Variants in LIMA1 observed in about 807,000 individuals in gnomAD.
LIMA1 encodes LIM domain and actin-binding protein 1.
In LIMA1, 52 loss-of-function variants were observed where a neutral mutation model predicts 62.6. That is an observed-to-expected ratio of 0.83 (90% CI 0.67 to 1.05). The LOEUF (loss-of-function observed/expected upper bound fraction) is 1.05, where lower values mean the gene tolerates loss of function less well. Among genes scored for constraint, LIMA1 ranks in the 50% least tolerant of loss-of-function variants. LIMA1 has a pLI of 0.00. For synonymous variants in LIMA1, 302 were observed against 317.8 expected (o/e 0.95, Z 0.53); for missense variants, 780 against 902.2 (o/e 0.86, Z 1.74).
chr12:50,275,852 G>A (rs955818536), intron 1 of LIMA1, among the ~76,000 whole-genome samples: 1 of 152,234 alleles, frequency 6.6e-6, no homozygotes, highest in South Asian at 2.1e-4. Flanking sequence ...TGGGTGTCTT[G>A]AAGAGCATGT....
chr12:50,258,639 C>CT (rs34324226), intron 1 of LIMA1, among the ~76,000 whole-genome samples: 736 of 67,412 alleles, frequency 0.011, 87 homozygotes, highest in African/African-American at 0.043. Context: ...TCTACCTATA[C>CT]TTTTTTTTTT....
At chr12:50,227,845 ATTTTT>A (rs1206396988) in intron 3 of LIMA1, among the ~76,000 whole-genome samples, 40 of 142,340 alleles carry the variant, frequency 2.8e-4, no homozygotes, top group African/African-American at 8.0e-4. Flanking sequence ...TGATATGGTA[ATTTTT>A]TTTTTCTTTT....
At chr12:50,204,251 A>G (rs1050607885) in intron 6 of LIMA1, 7 of 247,696 alleles carry the variant, frequency 2.8e-5, no homozygotes, top group African/African-American at 1.6e-4. Context: ...AACTAATAAA[A>G]TACTACTTCT....
In LIMA1 at chr12:50,259,865, G is replaced by A. The variant is rs539491582; in HGVS notation, c.-23-11091C>T. Reference sequence around the variant, plus strand: ...TTCAATAATATTTGATCTCTTTATCGCCTTTTAAAGGATATTTTGTGCCTT... The same window carrying A: ...TTCAATAATATTTGATCTCTTTATCACCTTTTAAAGGATATTTTGTGCCTT... On this transcript the variant is annotated intron_variant, in intron 1 of 10. Coordinates refer to ENST00000341247, the MANE Select transcript of LIMA1 (RefSeq NM_016357.5). 3.3e-5 allele frequency among the ~76,000 whole-genome samples: 5 copies of A among 152,206 alleles called. No homozygotes were observed. In the South Asian group the frequency reaches 8.3e-4, roughly 25 times the overall value.
chr12:50,185,296 C>G (rs1194031312), intron 9 of LIMA1: 2 of 448,262 alleles, frequency 4.5e-6, no homozygotes, highest in Non-Finnish European at 9.0e-6. Flanking sequence ...CCATCACAAA[C>G]ACACGGAGGG....
At chr12:50,281,809 G>A (rs1210295986) in intron 1 of LIMA1, among the ~76,000 whole-genome samples, 1 of 152,168 alleles carries the variant, frequency 6.6e-6, no homozygotes, top group African/African-American at 2.4e-5. Flanking sequence ...AAGCAGAAGA[G>A]AGAATTAAAA....
At chr12:50,245,041 G>A (rs1237319681) in intron 2 of LIMA1, among the ~76,000 whole-genome samples, 1 of 152,176 alleles carries the variant, frequency 6.6e-6, no homozygotes, top group Non-Finnish European at 1.5e-5. Context: ...TTCAGAGAAG[G>A]ATTCTGAGTG....
At chr12:50,275,027 AGTGTG>A in intron 1 of LIMA1, among the ~76,000 whole-genome samples, 1 of 152,190 alleles carries the variant, frequency 6.6e-6, no homozygotes, top group African/African-American at 2.4e-5. Flanking sequence ...ATTATATAAA[AGTGTG>A]TTTGCAAGAT....
intron 4 of LIMA1, among the ~76,000 whole-genome samples, chr12:50,209,404 T>C (rs1941212030): frequency 6.6e-6 from 1 of 151,664 alleles, no homozygotes; most frequent in African/African-American, 2.4e-5. Flanking sequence ...ACCCTGTCTC[T>C]ACTAAATATA....
chr12:50,181,112 CAAAAAAAAAA>C (rs35433011), intron 10 of LIMA1, among the ~76,000 whole-genome samples: 1 of 71,106 alleles, frequency 1.4e-5, no homozygotes, highest in African/African-American at 5.4e-5. Context: ...ACTCTGTATC[CAAAAAAAAAA>C]AAAAAAAAAA....
At chr12:50,255,975 C>T (rs1053965624) in intron 1 of LIMA1, among the ~76,000 whole-genome samples, 2 of 152,014 alleles carry the variant, frequency 1.3e-5, no homozygotes, top group Non-Finnish European at 2.9e-5. Context: ...CTGCAACCTC[C>T]GCCTCCCAGG....
chr12:50,239,410 G>C (rs1052142871), intron 2 of LIMA1, among the ~76,000 whole-genome samples: 1 of 150,498 alleles, frequency 6.6e-6, no homozygotes, highest in African/African-American at 2.4e-5. Flanking sequence ...AGGCTGAGTC[G>C]AGTAGATCAC....
intron 4 of LIMA1, among the ~76,000 whole-genome samples, chr12:50,208,692 A>C (rs1941198522): frequency 6.6e-6 from 1 of 151,892 alleles, no homozygotes; most frequent in Non-Finnish European, 1.5e-5. Flanking sequence ...TACATATTAC[A>C]TATGTGTGTG....
chr12:50,207,047 C>T (rs1361728813), intron 4 of LIMA1, among the ~76,000 whole-genome samples: 1 of 152,060 alleles, frequency 6.6e-6, no homozygotes, highest in Non-Finnish European at 1.5e-5. Flanking sequence ...GCCTCAGCCT[C>T]CTGAGTAGCT....
chr12:50,267,665 G>C (rs527494709), intron 1 of LIMA1, among the ~76,000 whole-genome samples: 2,115 of 151,836 alleles, frequency 0.014, 44 homozygotes, highest in African/African-American at 0.049. Flanking sequence ...GACTACAGGT[G>C]CATGCCACCA....
At chr12:50,193,504 T>TATATATATATATA (rs1491523829) in intron 8 of LIMA1, among the ~76,000 whole-genome samples, 1 of 140,864 alleles carries the variant, frequency 7.1e-6, no homozygotes, top group Non-Finnish European at 1.5e-5. Context: ...ATATCATATA[T>TATATATATATATA]GTGTATATAT....
At chr12:50,256,502 T>C (rs1369826766) in intron 1 of LIMA1, among the ~76,000 whole-genome samples, 1 of 152,230 alleles carries the variant, frequency 6.6e-6, no homozygotes, top group Non-Finnish European at 1.5e-5. Context: ...ATAGACTTTA[T>C]TGAAATTCCA....
chr12:50,233,151 G>A (rs990521911), intron 2 of LIMA1, among the ~76,000 whole-genome samples: 1 of 152,200 alleles, frequency 6.6e-6, no homozygotes, highest in African/African-American at 2.4e-5. Flanking sequence ...GTCAAATGCT[G>A]AAACAATTGG....
At chr12:50,252,773 C>T (rs1324645644) in intron 1 of LIMA1, among the ~76,000 whole-genome samples, 2 of 152,048 alleles carry the variant, frequency 1.3e-5, no homozygotes, top group Non-Finnish European at 2.9e-5. Context: ...TCCTCAATAT[C>T]CACACCTGTA....
Sources: allele counts gnomAD v4.1 joint callset (sites outside exome capture counted in the v4.1 genomes callset), GRCh38; gene constraint gnomAD v4.1.1; transcripts MANE v1.5; gene names NCBI Gene and HGNC (gene_info 2026-07-23, HGNC 2026-07-21).